CEP112: variants seen among roughly 807,000 people sequenced by gnomAD.
CEP112 encodes the protein centrosomal protein of 112 kDa.
CEP112 carries 127 observed loss-of-function variants against 153.0 expected under a neutral mutation model. The observed-to-expected ratio is 0.83, with a 90% CI of 0.72 to 0.96. The LOEUF is 0.96. CEP112 is among the 40% of genes least tolerant of loss of function. CEP112 has a pLI of 0.00. For synonymous variants in CEP112, 358 were observed against 374.4 expected (o/e 0.96, Z 0.51); for missense variants, 1,089 against 1,101.2 (o/e 0.99, Z 0.16).
intron 20 of CEP112, among the ~76,000 whole-genome samples, chr17:65,864,952 G>A (rs2058435729): frequency 2.2e-5 from 1 of 46,166 alleles, no homozygotes; most frequent in South Asian, 6.3e-4. Context: ...GTGTGTGTGT[G>A]TGTGTGTGTG....
chr17:65,654,226 C>T (rs1312184968), intron 24 of CEP112, among the ~76,000 whole-genome samples: 1 of 152,058 alleles, frequency 6.6e-6, no homozygotes, highest in African/African-American at 2.4e-5. Context: ...CAAGAAAAAT[C>T]CGTTTTAAGA....
intron 20 of CEP112, among the ~76,000 whole-genome samples, chr17:65,872,558 C>T (rs1417914249): frequency 6.6e-6 from 1 of 152,054 alleles, no homozygotes; most frequent in African/African-American, 2.4e-5. Flanking sequence ...TAGCTACAGA[C>T]ACAATGATCC....
chr17:65,940,308 A>G (rs560403922), intron 18 of CEP112, among the ~76,000 whole-genome samples: 6 of 152,294 alleles, frequency 3.9e-5, no homozygotes, highest in Non-Finnish European at 8.8e-5. Context: ...TAGTATAACC[A>G]CTACAGAAAA....
intron 6 of CEP112, among the ~76,000 whole-genome samples, chr17:66,105,792 C>CA (rs919300621): frequency 4.0e-5 from 6 of 151,834 alleles, no homozygotes; most frequent in African/African-American, 1.5e-4. Context: ...GACCCCATCT[C>CA]AAAAAAATGA....
intron 18 of CEP112, among the ~76,000 whole-genome samples, chr17:65,942,413 T>G (rs1332185377): frequency 6.6e-6 from 1 of 152,154 alleles, no homozygotes; most frequent in Non-Finnish European, 1.5e-5. Flanking sequence ...TTTTTTCCCT[T>G]ATGTTACAAA....
At chr17:65,932,977 T>C (rs2061178615) in intron 18 of CEP112, among the ~76,000 whole-genome samples, 1 of 152,092 alleles carries the variant, frequency 6.6e-6, no homozygotes, top group East Asian at 1.9e-4. Context: ...AGAATTAGTT[T>C]GACAAAGGAA....
intron 24 of CEP112, among the ~76,000 whole-genome samples, chr17:65,643,491 G>C (rs1241210712): frequency 1.3e-5 from 2 of 150,956 alleles, no homozygotes; most frequent in Non-Finnish European, 2.9e-5. Flanking sequence ...AGTAGAGATG[G>C]AGTTTCACCT....
At chr17:65,829,227 T>G (rs2056976404) in intron 21 of CEP112, among the ~76,000 whole-genome samples, 1 of 152,222 alleles carries the variant, frequency 6.6e-6, no homozygotes, top group Non-Finnish European at 1.5e-5. Flanking sequence ...TTCTATTTAT[T>G]TTTTTACCAT....
intron 8 of CEP112, among the ~76,000 whole-genome samples, chr17:66,076,457 T>C (rs1246902238): frequency 6.6e-6 from 1 of 152,048 alleles, no homozygotes; most frequent in Non-Finnish European, 1.5e-5. Context: ...CCTGACAACC[T>C]GCATGACTCA....
intron 8 of CEP112, among the ~76,000 whole-genome samples, chr17:66,077,457 G>A (rs2067545311): frequency 6.6e-6 from 1 of 152,082 alleles, no homozygotes; most frequent in Non-Finnish European, 1.5e-5. Context: ...AAAGAAGAAA[G>A]AAACTCAGAG....
chr17:65,774,754 T>C (rs2053580361), intron 21 of CEP112, among the ~76,000 whole-genome samples: 1 of 152,096 alleles, frequency 6.6e-6, no homozygotes, highest in South Asian at 2.1e-4. Flanking sequence ...CCTGAGGTGA[T>C]GAAAGGCAAG....
At chr17:65,942,776 T>C (rs921837919) in intron 18 of CEP112, among the ~76,000 whole-genome samples, 10 of 152,176 alleles carry the variant, frequency 6.6e-5, no homozygotes, top group Admixed American at 5.2e-4. Context: ...ACTAATAAAG[T>C]AGGAATGTAT....
chr17:66,035,274 G>A (rs1401524742), intron 12 of CEP112, among the ~76,000 whole-genome samples: 2 of 151,982 alleles, frequency 1.3e-5, no homozygotes, highest in South Asian at 2.1e-4. Flanking sequence ...ATGAGAGGAC[G>A]TGGTTCCTGT....
chr17:66,058,157 G>GA (rs34748051), intron 11 of CEP112, among the ~76,000 whole-genome samples: 2 of 151,056 alleles, frequency 1.3e-5, no homozygotes, highest in Admixed American at 6.6e-5. Context: ...TGTATAACTA[G>GA]AAAAAAAAGC....
rs2059466837 is a variant in CEP112, at chr17:65,891,517, ACTT to A, written c.2163+10632_2163+10634del. Among the ~76,000 whole-genome samples the A allele has an allele frequency of 1.3e-5, 2 of 152,078 alleles. 1 individual carries two copies. The highest frequency in any genetic ancestry group is 4.1e-4 in the South Asian group (2 of 4,828). ...AACCAAAACTCTAGGAGTTACTCGTACTTCTTCTTCCCCTCATTCCCCACACCC... is the reference window on the plus strand; with the variant it reads ...AACCAAAACTCTAGGAGTTACTCGTACTTCTTCCCCTCATTCCCCACACCC... On this transcript the variant is annotated intron_variant, in intron 20 of 26. Transcript: ENST00000535342.
At chr17:66,088,804 C>G (rs1230768459) in intron 8 of CEP112, among the ~76,000 whole-genome samples, 2 of 152,152 alleles carry the variant, frequency 1.3e-5, no homozygotes, top group Non-Finnish European at 2.9e-5. Context: ...TCCATCCCTA[C>G]AGAATCGTGA....
chr17:66,005,098 G>A (rs1228018858), intron 17 of CEP112, among the ~76,000 whole-genome samples: 2 of 152,126 alleles, frequency 1.3e-5, no homozygotes, highest in Non-Finnish European at 2.9e-5. Flanking sequence ...AATAATTTAT[G>A]TTTTAAGTTA....
At chr17:66,047,277 C>T (rs550207390) in intron 12 of CEP112, among the ~76,000 whole-genome samples, 52 of 152,046 alleles carry the variant, frequency 3.4e-4, no homozygotes, top group Non-Finnish European at 6.3e-4. Flanking sequence ...CCACCATGCC[C>T]GGCTAATTTT....
intron 23 of CEP112, among the ~76,000 whole-genome samples, chr17:65,739,836 T>C (rs1357989648): frequency 6.6e-6 from 1 of 152,228 alleles, no homozygotes; most frequent in African/African-American, 2.4e-5. Flanking sequence ...ATCTGTTGTT[T>C]CTTGGACAGT....
Sources: gnomAD v4.1 joint callset for allele counts (sites outside exome capture counted in the v4.1 genomes callset) on GRCh38, gnomAD v4.1.1 for gene constraint, MANE v1.5 for transcripts, NCBI Gene and HGNC (gene_info 2026-07-23, HGNC 2026-07-21) for gene names.